DLG1: variants seen among roughly 807,000 people sequenced by gnomAD.
DLG1 encodes the protein disks large homolog 1.
In DLG1, 42 loss-of-function variants were observed where a neutral mutation model predicts 123.4. The observed-to-expected ratio is 0.34, with a 90% CI of 0.27 to 0.44. The LOEUF is 0.44. Ranked by LOEUF, DLG1 falls within the 20% of genes least tolerant of loss-of-function variation. DLG1 has a pLI of 1.00. For synonymous variants in DLG1, 317 were observed against 356.2 expected (o/e 0.89, Z 1.24); for missense variants, 942 against 1,082.6 (o/e 0.87, Z 1.82).
rs534103980 is a variant in DLG1 at position 197,093,169 on chromosome 3, T to C, written c.1547-2143A>G. ...CAAGCATAATACATTTCTTTTCTTTTTGTTTTTTCAGACGGAGTTTCACTC... is the reference window on the plus strand; with the variant it reads ...CAAGCATAATACATTTCTTTTCTTTCTGTTTTTTCAGACGGAGTTTCACTC... On this transcript the variant is annotated intron_variant, in intron 14 of 24. Coordinates refer to ENST00000667157, the MANE Select transcript of DLG1 (RefSeq NM_001366207.1). Among the ~76,000 whole-genome samples, 7 of 152,102 alleles carry C rather than the reference T, an allele frequency of 4.6e-5. No homozygotes were observed. In the East Asian group the frequency reaches 1.2e-3, roughly 25 times the overall value.
chr3:197,065,848 C>T (rs1739141569), intron 20 of DLG1, 39 bp from the exon 21 acceptor site: 2 of 1,214,248 alleles, frequency 1.6e-6, no homozygotes, highest in Non-Finnish European at 2.4e-6. Context: ...AATAAACATT[C>T]AACAAATATC....
chr3:197,098,286 A>G (rs1390243934), intron 14 of DLG1, among the ~76,000 whole-genome samples: 1 of 152,218 alleles, frequency 6.6e-6, no homozygotes, highest in Admixed American at 6.5e-5. Flanking sequence ...GATTAATAGA[A>G]GTCCTAGTGA....
upstream of DLG1, chr3:197,298,668 G>T: frequency 2.5e-6 from 1 of 396,758 alleles, no homozygotes; most frequent in Non-Finnish European, 4.4e-6. Context: ...CCTCCCAGGG[G>T]GCGGGGAGGG....
intron 11 of DLG1, among the ~76,000 whole-genome samples, chr3:197,123,901 C>G (rs900804147): frequency 6.6e-6 from 1 of 152,208 alleles, no homozygotes; most frequent in African/African-American, 2.4e-5. Flanking sequence ...TGTGACTGAT[C>G]ATTAAGCTAA....
intron 4 of DLG1, among the ~76,000 whole-genome samples, chr3:197,206,597 AG>A (rs1467775582): frequency 6.6e-6 from 1 of 152,198 alleles, no homozygotes; most frequent in African/African-American, 2.4e-5. Context: ...CTTGATTTAT[AG>A]TATCTTTCTA....
At chr3:197,114,485 A>T (rs1163050051) in intron 13 of DLG1, among the ~76,000 whole-genome samples, 1 of 152,146 alleles carries the variant, frequency 6.6e-6, no homozygotes, top group Admixed American at 6.5e-5. Context: ...GTAATTCTAG[A>T]TTGAACTAAC....
chr3:197,153,292 C>G (rs1223583521), intron 5 of DLG1, among the ~76,000 whole-genome samples: 1 of 152,186 alleles, frequency 6.6e-6, no homozygotes, highest in Non-Finnish European at 1.5e-5. Flanking sequence ...GTTTCTCCAC[C>G]TTGAACACAA....
intron 5 of DLG1, among the ~76,000 whole-genome samples, chr3:197,191,445 G>A (rs1309024276): frequency 6.6e-6 from 1 of 152,174 alleles, no homozygotes; most frequent in Non-Finnish European, 1.5e-5. Context: ...CTGTTTAAAT[G>A]TCTGCTTGTG....
intron 18 of DLG1, among the ~76,000 whole-genome samples, chr3:197,071,845 A>G (rs1453977603): frequency 6.6e-6 from 1 of 152,190 alleles, no homozygotes; most frequent in African/African-American, 2.4e-5. Context: ...GAATGGGCAA[A>G]CTGGTAAAAC....
intron 20 of DLG1, among the ~76,000 whole-genome samples, chr3:197,066,195 G>C (rs2148888475): frequency 6.6e-6 from 1 of 152,306 alleles, no homozygotes. Context: ...TATAATCCCA[G>C]TAGTAGCATT....
chr3:197,086,841 A>G (rs1560566729), intron 15 of DLG1, among the ~76,000 whole-genome samples: 1 of 152,202 alleles, frequency 6.6e-6, no homozygotes, highest in East Asian at 1.9e-4. Context: ...AAATGTCAAG[A>G]CATTCAGAAA....
At chr3:197,205,791 G>A (rs1728206223) in intron 4 of DLG1, among the ~76,000 whole-genome samples, 1 of 152,234 alleles carries the variant, frequency 6.6e-6, no homozygotes, top group Non-Finnish European at 1.5e-5. Context: ...AGTCCAAAAT[G>A]TGTCTGAGGA....
At chr3:197,185,351 C>T (rs1266606064) in intron 5 of DLG1, among the ~76,000 whole-genome samples, 1 of 152,148 alleles carries the variant, frequency 6.6e-6, no homozygotes, top group African/African-American at 2.4e-5. Flanking sequence ...CTCTATGATG[C>T]GTCTGCTGAG....
At chr3:197,102,117 C>T (rs910197934) in intron 14 of DLG1, among the ~76,000 whole-genome samples, 1 of 152,172 alleles carries the variant, frequency 6.6e-6, no homozygotes, top group Admixed American at 6.5e-5. Flanking sequence ...GTGAATTATT[C>T]CTTGCCTTTG....
intron 3 of DLG1, among the ~76,000 whole-genome samples, chr3:197,288,735 AAAAAAAAAATACATACATAC>A (rs1773205635): frequency 1.3e-5 from 1 of 76,696 alleles, no homozygotes; most frequent in Non-Finnish European, 2.5e-5. Context: ...AAAAAAAAAA[AAAAAAAAAATACATACATAC>A]ATACATACAT....
At chr3:197,272,324 CT>C (rs1252884150) in intron 4 of DLG1, among the ~76,000 whole-genome samples, 3 of 150,934 alleles carry the variant, frequency 2.0e-5, no homozygotes, top group Admixed American at 6.6e-5. Context: ...TCACACTAGC[CT>C]GAAGAACAAA....
intron 4 of DLG1, among the ~76,000 whole-genome samples, chr3:197,246,841 C>T (rs142808651): frequency 3.3e-5 from 5 of 152,252 alleles, no homozygotes; most frequent in African/African-American, 1.2e-4. Flanking sequence ...GTTACCATCC[C>T]ATTGAGGGTC....
At chr3:197,186,437 C>G (rs981454477) in intron 5 of DLG1, among the ~76,000 whole-genome samples, 2 of 152,146 alleles carry the variant, frequency 1.3e-5, no homozygotes, top group Non-Finnish European at 2.9e-5. Context: ...ATATGATATA[C>G]AAAGAATATT....
chr3:197,059,798 TAG>T (rs1426510054), intron 23 of DLG1, 89 bp downstream of exon 23: 9 of 799,212 alleles, frequency 1.1e-5, no homozygotes, highest in Non-Finnish European at 1.8e-5. Flanking sequence ...CTCAATTTTA[TAG>T]ATAAACTGAG....
Sources: allele counts gnomAD v4.1 joint callset (sites outside exome capture counted in the v4.1 genomes callset), GRCh38; gene constraint gnomAD v4.1.1; transcripts MANE v1.5; gene names NCBI Gene and HGNC (gene_info 2026-07-23, HGNC 2026-07-21).